Variants in SNTG1 observed in about 807,000 individuals in gnomAD.
The protein encoded by SNTG1 is gamma-1-syntrophin.
In SNTG1, 39 loss-of-function variants were observed where a neutral mutation model predicts 74.7. The ratio of observed to expected loss-of-function variants is 0.52; its 90% CI spans 0.40 to 0.68. The LOEUF is 0.68. Ranked by LOEUF, SNTG1 falls within the 30% of genes least tolerant of loss-of-function variation. The pLI is 0.00. For synonymous variants in SNTG1, 254 were observed against 217.1 expected (o/e 1.17, Z -1.49); for missense variants, 685 against 609.5 (o/e 1.12, Z -1.30).
At chr8:50,119,572 A>C (rs561750501) in intron 1 of SNTG1, among the ~76,000 whole-genome samples, 2 of 142,404 alleles carry the variant, frequency 1.4e-5, no homozygotes, top group East Asian at 4.0e-4. Flanking sequence ...ACTAATTACA[A>C]CTAATTAATT....
At chr8:50,772,386 G>T (rs1323430258) in intron 18 of SNTG1, among the ~76,000 whole-genome samples, 1 of 152,096 alleles carries the variant, frequency 6.6e-6, no homozygotes, top group African/African-American at 2.4e-5. Context: ...TGTAGGGCCT[G>T]TCATTTATTT....
chr8:50,407,263 TTAAG>T (rs1398815810), intron 4 of SNTG1, among the ~76,000 whole-genome samples: 1 of 152,214 alleles, frequency 6.6e-6, no homozygotes, highest in Non-Finnish European at 1.5e-5. Context: ...CTCAGTCTGC[TTAAG>T]TGAGTGGAAA....
At chr8:50,017,113 T>C (rs925412344) in intron 1 of SNTG1, among the ~76,000 whole-genome samples, 1 of 152,060 alleles carries the variant, frequency 6.6e-6, no homozygotes, top group Non-Finnish European at 1.5e-5. Context: ...CAGTATATGG[T>C]TTCTCAAATA....
At chr8:50,267,073 C>A (rs2087521088) in intron 2 of SNTG1, among the ~76,000 whole-genome samples, 1 of 151,846 alleles carries the variant, frequency 6.6e-6, no homozygotes, top group Admixed American at 6.6e-5. Flanking sequence ...AAATGATAAC[C>A]ATTTCTCATT....
At chr8:50,544,175 TTTG>T (rs1281815308) in intron 11 of SNTG1, among the ~76,000 whole-genome samples, 1 of 152,080 alleles carries the variant, frequency 6.6e-6, no homozygotes, top group Non-Finnish European at 1.5e-5. Context: ...TATTCGTGTT[TTTG>T]TTATCATTTA....
chr8:50,070,891 G>A (rs1199278963), intron 1 of SNTG1, among the ~76,000 whole-genome samples: 7 of 152,178 alleles, frequency 4.6e-5, no homozygotes, highest in South Asian at 2.1e-4. Flanking sequence ...TGTTGGGGAC[G>A]GCTGGAGGCT....
intron 2 of SNTG1, among the ~76,000 whole-genome samples, chr8:50,389,196 A>G (rs547480947): frequency 6.6e-6 from 1 of 152,314 alleles, no homozygotes; most frequent in Non-Finnish European, 1.5e-5. Flanking sequence ...TAATAAGTGC[A>G]GTCTATATGA....
At position 50,293,682 on chromosome 8, in the gene SNTG1, T is replaced by A. The variant is rs575421249; in HGVS notation, c.-27-100530T>A. On this transcript the variant is annotated intron_variant, in intron 2 of 18. Coordinates refer to ENST00000642720, the MANE Select transcript of SNTG1 (RefSeq NM_018967.5). Reference sequence around the variant, plus strand: ...GCCTCGGCCTCCCAAAGTGCTGGGATTACAGGCGTGAGCCACTGTGCCCTG... The same window carrying A: ...GCCTCGGCCTCCCAAAGTGCTGGGAATACAGGCGTGAGCCACTGTGCCCTG... Among the ~76,000 whole-genome samples, 5 of 152,254 alleles carry A rather than the reference T, an allele frequency of 3.3e-5. No homozygotes were observed. In the East Asian group the frequency reaches 9.7e-4, roughly 30 times the overall value.
intron 2 of SNTG1, among the ~76,000 whole-genome samples, chr8:50,330,501 T>G (rs2090921177): frequency 6.6e-6 from 1 of 152,218 alleles, no homozygotes; most frequent in Admixed American, 6.5e-5. Flanking sequence ...TACCTTCTTC[T>G]CACCCTCCAA....
At chr8:50,651,470 G>C (rs915374927) in intron 13 of SNTG1, among the ~76,000 whole-genome samples, 1 of 151,656 alleles carries the variant, frequency 6.6e-6, no homozygotes, top group Non-Finnish European at 1.5e-5. Flanking sequence ...TTTTCTTTTG[G>C]GGGGTGGATG....
chr8:50,701,642 C>CTT (rs1563761434), intron 15 of SNTG1, among the ~76,000 whole-genome samples: 4 of 145,204 alleles, frequency 2.8e-5, no homozygotes, highest in African/African-American at 1.0e-4. Context: ...TCTTCTTCTT[C>CTT]CTCCTCTTTT....
At chr8:50,089,103 A>G (rs1325475507) in intron 1 of SNTG1, among the ~76,000 whole-genome samples, 1 of 151,234 alleles carries the variant, frequency 6.6e-6, no homozygotes, top group African/African-American at 2.4e-5. Flanking sequence ...ATAACGCCGC[A>G]TATCTACAAC....
intron 1 of SNTG1, among the ~76,000 whole-genome samples, chr8:50,050,079 A>T (rs1238713256): frequency 1.3e-5 from 2 of 151,858 alleles, no homozygotes; most frequent in Non-Finnish European, 2.9e-5. Flanking sequence ...ATCCCAAATA[A>T]ACAGAAGAAA....
chr8:49,940,026 G>A (rs1808540661), intron 1 of SNTG1, among the ~76,000 whole-genome samples: 1 of 152,206 alleles, frequency 6.6e-6, no homozygotes, highest in Non-Finnish European at 1.5e-5. Context: ...CATAGCATGA[G>A]ATGATTTCTT....
At chr8:50,144,555 T>C (rs2081789274) in intron 1 of SNTG1, among the ~76,000 whole-genome samples, 1 of 152,188 alleles carries the variant, frequency 6.6e-6, no homozygotes, top group South Asian at 2.1e-4. Context: ...ATTTTATATG[T>C]TTCATGCCTT....
At chr8:49,951,053 G>A (rs1296595343) in intron 1 of SNTG1, among the ~76,000 whole-genome samples, 2 of 152,192 alleles carry the variant, frequency 1.3e-5, no homozygotes, top group African/African-American at 2.4e-5. Context: ...GGTTGGCAGA[G>A]AATTTTGAAT....
chr8:50,115,831 G>A (rs957087782), intron 1 of SNTG1, among the ~76,000 whole-genome samples: 4 of 151,948 alleles, frequency 2.6e-5, no homozygotes, highest in African/African-American at 9.7e-5. Context: ...GCTTATAAAT[G>A]TCCAACTACT....
At chr8:50,739,645 C>A (rs1236102861) in intron 17 of SNTG1, among the ~76,000 whole-genome samples, 1 of 151,846 alleles carries the variant, frequency 6.6e-6, no homozygotes, top group East Asian at 1.9e-4. Context: ...CAGCAAACCA[C>A]CATGGCATGT....
intron 1 of SNTG1, among the ~76,000 whole-genome samples, chr8:49,979,466 G>T (rs6989656): frequency 7.9e-5 from 12 of 152,154 alleles, no homozygotes; most frequent in African/African-American, 2.9e-4. Flanking sequence ...TTTGGGTCGG[G>T]ATCATTTTCA....
Sources: gnomAD v4.1 joint callset for allele counts (sites outside exome capture counted in the v4.1 genomes callset) on GRCh38, gnomAD v4.1.1 for gene constraint, MANE v1.5 for transcripts, NCBI Gene and HGNC (gene_info 2026-07-23, HGNC 2026-07-21) for gene names.